IQCE: variants seen among roughly 807,000 people sequenced by gnomAD.
The protein encoded by IQCE is IQ motif containing E.
A neutral mutation model predicts 96.0 loss-of-function variants in IQCE; 115 were observed. The ratio of observed to expected loss-of-function variants is 1.20; its 90% CI spans 1.03 to 1.40. The LOEUF (loss-of-function observed/expected upper bound fraction) is 1.40, where lower values mean the gene tolerates loss of function less well. Ranked by LOEUF, IQCE falls within the 40% of genes most tolerant of loss-of-function variation. The pLI is 0.00. For synonymous variants in IQCE, 412 were observed against 371.2 expected, an observed-to-expected ratio of 1.11 and a Z score of -1.26; for missense variants, 1,041 against 909.1, an observed-to-expected ratio of 1.15 and a Z score of -1.87.
chr7:2,575,729 C>T (rs1303986568), intron 6 of IQCE, among the ~76,000 whole-genome samples: 8 of 152,148 alleles, frequency 5.3e-5, no homozygotes, highest in African/African-American at 7.2e-5. Flanking sequence ...AGAGGCTTTG[C>T]GTGGGTTTTT....
intron 21 of IQCE, among the ~76,000 whole-genome samples, chr7:2,608,657 C>G (rs535074218): frequency 1.3e-5 from 2 of 152,324 alleles, no homozygotes; most frequent in Non-Finnish European, 2.9e-5. Flanking sequence ...ACCGGCTTCG[C>G]CAGACCCTGC....
intron 11 of IQCE, among the ~76,000 whole-genome samples, chr7:2,585,836 G>A (rs540824593): frequency 6.6e-6 from 1 of 152,184 alleles, no homozygotes; most frequent in East Asian, 1.9e-4. Flanking sequence ...AGATAATGAG[G>A]ATCGACTGTA....
At chr7:2,576,916 G>A (rs1245060514) in intron 6 of IQCE, among the ~76,000 whole-genome samples, 1 of 152,190 alleles carries the variant, frequency 6.6e-6, no homozygotes. Flanking sequence ...GTGCGGCACC[G>A]TCCAGCCCCG....
chr7:2,593,146 G>T lies in IQCE; in HGVS notation c.1349+20G>T. 6.2e-7 allele frequency: 1 copy of T among 1,602,358 alleles called. No individual in the cohort carries two copies. The highest frequency in any genetic ancestry group is 8.5e-7 in the Non-Finnish European group (1 of 1,171,916). The stretch of plus-strand genomic sequence containing the variant: ...TTTGAGGTATGTGACCCGGGTCAGG[G>T]CTGGAGAGGACCCAGGCGAGTCCGC... On this transcript the variant is annotated intron_variant, in intron 15 of 21. Transcript: ENST00000402050.
Position 2,594,975 on chromosome 7 carries a change from AG to A in IQCE, c.1440+1del, listed in dbSNP as rs766913344. On this transcript the variant is annotated frameshift_variant and splice_region_variant, in exon 16 of 22. Coordinates refer to ENST00000402050, the MANE Select transcript of IQCE (RefSeq NM_152558.5). LOFTEE classifies it high-confidence loss of function. ...GAGGATTGCCCGGAAGTTCCTCATA[AG>A]GTACAGTGACCATTCAGTTGAGTCT... is the stretch of plus-strand genomic sequence containing the variant. ...EKEDCPEVPH[K>X]AQELPAPTPS... 1.9e-6 allele frequency: 3 copies of A among 1,604,322 alleles called. No homozygotes were observed. In the South Asian group the frequency reaches 3.3e-5, roughly 18 times the overall value.
chr7:2,600,710 G>A (rs912719219), intron 17 of IQCE, among the ~76,000 whole-genome samples: 12 of 152,172 alleles, frequency 7.9e-5, no homozygotes, highest in Admixed American at 2.6e-4. Context: ...ATCTCCCAAG[G>A]GAAAGATCCT....
At chr7:2,567,337 C>T (rs1024792754) in intron 2 of IQCE, among the ~76,000 whole-genome samples, 174 bp downstream of exon 2, 3 of 152,236 alleles carry the variant, frequency 2.0e-5, no homozygotes, top group African/African-American at 7.2e-5. Flanking sequence ...GTTTAAATAC[C>T]TGTGGTGATA....
intron 14 of IQCE, among the ~76,000 whole-genome samples, chr7:2,592,149 C>T (rs192977928): frequency 1.3e-5 from 2 of 152,376 alleles, no homozygotes; most frequent in Non-Finnish European, 2.9e-5. Context: ...TCCCGGCCAG[C>T]TACGTTCTCT....
At chr7:2,591,391 C>T (rs1783574632) in intron 14 of IQCE, among the ~76,000 whole-genome samples, 1 of 152,166 alleles carries the variant, frequency 6.6e-6, no homozygotes, top group Non-Finnish European at 1.5e-5. Flanking sequence ...CTGTCCTCCT[C>T]CTGTTGATAG....
intron 3 of IQCE, 74 bp downstream of exon 3, chr7:2,569,073 G>A: frequency 6.9e-7 from 1 of 1,457,604 alleles, no homozygotes; most frequent in Non-Finnish European, 9.6e-7. Flanking sequence ...AAGGGTATTT[G>A]CTTTGTACAT....
chr7:2,589,623 C>T (rs529641128), intron 13 of IQCE, among the ~76,000 whole-genome samples: 81 of 152,240 alleles, frequency 5.3e-4, no homozygotes, highest in Non-Finnish European at 1.0e-3. Context: ...GTTTGAGTCC[C>T]CTCCCCTCGT....
chr7:2,593,211 T>G, intron 15 of IQCE, 85 bp downstream of exon 15: 1 of 1,492,696 alleles, frequency 6.7e-7, no homozygotes, highest in African/African-American at 1.4e-5. Context: ...CGTCTCAGCC[T>G]TGCTGCCAGC....
At chr7:2,579,700 GGTGTGTGTGTGT>G (rs68086038) in intron 8 of IQCE, among the ~76,000 whole-genome samples, 108 of 133,080 alleles carry the variant, frequency 8.1e-4, no homozygotes, top group Non-Finnish European at 1.2e-3. Context: ...TTGTTCTGGT[GGTGTGTGTGTGT>G]GTGTGTGTGT....
At chr7:2,602,410 T>TC (rs1693011103) in intron 18 of IQCE, among the ~76,000 whole-genome samples, 1 of 152,144 alleles carries the variant, frequency 6.6e-6, no homozygotes, top group East Asian at 1.9e-4. Context: ...TCTGAGATGC[T>TC]CCCCTCTCCT....
rs762084937 is a variant in IQCE at position 2,610,183 on chromosome 7, G to C, written c.*21G>C. On this transcript the variant is annotated 3_prime_UTR_variant, in exon 22 of 22. Transcript: ENST00000402050. ...TTTAGGTCCCCGTCACTGTCTCCAC[G>C]CCGTGATGGCAGCGCTGCCGAGGAC... 7.2e-7 allele frequency: 1 copy of C among 1,383,144 alleles called. No individual in the cohort carries two copies. Among genetic ancestry groups the C allele is most frequent in the Non-Finnish European group, 1.0e-6 (1 of 968,656 alleles). The allele number at this position is 1,383,144 out of a possible 1,614,324, so 85.7% of individuals were successfully genotyped here. A position where few individuals can be genotyped will look rare whatever the true frequency, so the allele number is the denominator to read the frequency against.
intron 5 of IQCE, 78 bp from the exon 6 acceptor site, chr7:2,573,340 G>T (rs970192464): frequency 2.7e-5 from 20 of 735,936 alleles, no homozygotes; most frequent in Admixed American, 1.0e-4. Flanking sequence ...CTAACTTCCA[G>T]GTTTTCCTTA....
chr7:2,605,017 A>T, intron 19 of IQCE, 26 bp downstream of exon 19: 1 of 1,502,618 alleles, frequency 6.7e-7, no homozygotes, highest in African/African-American at 1.4e-5. Flanking sequence ...TGGACGTCCC[A>T]GTGGCCATCT....
chr7:2,584,044 C>T (rs1782906401), intron 10 of IQCE, among the ~76,000 whole-genome samples, 192 bp from the exon 11 acceptor site: 2 of 151,732 alleles, frequency 1.3e-5, no homozygotes, highest in African/African-American at 2.4e-5. Flanking sequence ...GGTGGTGGGC[C>T]GAGCCCAGGT....
rs1785146660 is a variant in IQCE, at chr7:2,612,574, AGCTGTGGGCGGGGCG to A, written c.*2413_*2427del. On this transcript the variant is annotated 3_prime_UTR_variant, in exon 22 of 22. Coordinates refer to ENST00000402050, the MANE Select transcript of IQCE (RefSeq NM_152558.5). ...GCGGGGCCTAGTCATGGGAGGGGTGAGCTGTGGGCGGGGCGAGCTGTGGGTGGGGCCTAGCCATGG... is the reference window on the plus strand; with the variant it reads ...GCGGGGCCTAGTCATGGGAGGGGTGAAGCTGTGGGTGGGGCCTAGCCATGG... 1 of 54,532 alleles carries A rather than the reference AGCTGTGGGCGGGGCG, an allele frequency of 1.8e-5. No homozygotes were observed. Among genetic ancestry groups the A allele is most frequent in the South Asian group, 5.3e-4 (1 of 1,870 alleles). The allele number at this position is 54,532 out of a possible 1,614,324, so 3.4% of individuals were successfully genotyped here.
Sources: allele counts gnomAD v4.1 joint callset (sites outside exome capture counted in the v4.1 genomes callset), GRCh38; gene constraint gnomAD v4.1.1; transcripts MANE v1.5; gene names NCBI Gene and HGNC (gene_info 2026-07-23, HGNC 2026-07-21).